The following ZNF423 variants were observed in gnomAD, a reference collection of about 807,000 sequenced individuals.
ZNF423 encodes zinc finger protein 423.
In ZNF423, 12 loss-of-function variants were observed where a neutral mutation model predicts 95.8. That is an observed-to-expected ratio of 0.13 (90% CI 0.08 to 0.20). The LOEUF (loss-of-function observed/expected upper bound fraction) is 0.20, where lower values mean the gene tolerates loss of function less well. ZNF423 is among the 10% of genes least tolerant of loss of function. ZNF423 has a pLI of 1.00. For missense variants in ZNF423, 1,316 were observed against 1,737.1 expected (o/e 0.76, Z 4.31); for synonymous variants, 749 against 711.9 (o/e 1.05, Z -0.83).
intron 3 of ZNF423, among the ~76,000 whole-genome samples, chr16:49,712,301 C>G (rs994740830): frequency 6.6e-6 from 1 of 152,104 alleles, no homozygotes; most frequent in African/African-American, 2.4e-5. Context: ...TGCTAATGCA[C>G]GGTGGGGCTC....
intron 3 of ZNF423, among the ~76,000 whole-genome samples, chr16:49,672,687 A>G (rs756042068): frequency 1.3e-5 from 2 of 152,126 alleles, no homozygotes; most frequent in Non-Finnish European, 2.9e-5. Context: ...ATGGTGGCAC[A>G]TGCCTGTAAT....
intron 5 of ZNF423, among the ~76,000 whole-genome samples, chr16:49,559,873 A>G (rs1353631477): frequency 6.6e-6 from 1 of 152,180 alleles, no homozygotes; most frequent in Non-Finnish European, 1.5e-5. Context: ...TGTCCTCCCA[A>G]GAGAGGTGCA....
intron 5 of ZNF423, among the ~76,000 whole-genome samples, chr16:49,609,215 A>ACCC: frequency 6.6e-6 from 1 of 152,266 alleles, no homozygotes; most frequent in African/African-American, 2.4e-5. Flanking sequence ...TGGCATCTGC[A>ACCC]CCCCTTCTGC....
At chr16:49,619,983 C>T (rs1224448659) in intron 5 of ZNF423, among the ~76,000 whole-genome samples, 1 of 152,110 alleles carries the variant, frequency 6.6e-6, no homozygotes, top group Non-Finnish European at 1.5e-5. Context: ...GGGCCTTCAG[C>T]ACGGGGCCAG....
At chr16:49,815,877 AAAAAATATATATATATATAT>A (rs2034833516) in intron 1 of ZNF423, among the ~76,000 whole-genome samples, 4 of 64,090 alleles carry the variant, frequency 6.2e-5, no homozygotes, top group African/African-American at 2.2e-4. Context: ...AAACAAAAAA[AAAAAATATATATATATATAT>A]ATATATATAT....
chr16:49,855,585 T>G lies in ZNF423; in HGVS notation c.40+150A>C. 1 of 178,512 alleles carries G rather than the reference T, an allele frequency of 5.6e-6. No individual in the cohort carries two copies. The highest frequency in any genetic ancestry group is 1.8e-4 in the East Asian group (1 of 5,644). The allele number at this position is 178,512 out of a possible 1,614,324, so 11.1% of individuals were successfully genotyped here. A position where few individuals can be genotyped will look rare whatever the true frequency, so the allele number is the denominator to read the frequency against. On this transcript the variant is annotated intron_variant, in intron 1 of 7. Coordinates refer to ENST00000563137, the MANE Select transcript of ZNF423 (RefSeq NM_001379286.1). This position sits in a 1 kb window ranked among gnomAD's most constrained non-coding sequence, Gnocchi z 4.7. ...CTCCTCCCCCTCCTCCGCCTCCGCCTCCGCCTCCGCCTCCTCTGCCGCCTC... is the reference window on the plus strand; with the variant it reads ...CTCCTCCCCCTCCTCCGCCTCCGCCGCCGCCTCCGCCTCCTCTGCCGCCTC...
At chr16:49,730,732 G>A in intron 3 of ZNF423, 39 bp downstream of exon 3, 1 of 1,609,742 alleles carries the variant, frequency 6.2e-7, no homozygotes, top group South Asian at 1.1e-5. Context: ...AATTACCCGT[G>A]TAACCACCTG....
At chr16:49,671,519 C>T (rs960224162) in intron 3 of ZNF423, among the ~76,000 whole-genome samples, 1 of 152,166 alleles carries the variant, frequency 6.6e-6, no homozygotes, top group Non-Finnish European at 1.5e-5. Flanking sequence ...ACGAGCCCTC[C>T]CACCACCACC....
chr16:49,798,207 C>T (rs2034528958), intron 1 of ZNF423, among the ~76,000 whole-genome samples: 1 of 152,074 alleles, frequency 6.6e-6, no homozygotes, highest in Admixed American at 6.6e-5. Flanking sequence ...AAGACCCTAT[C>T]TGTTAAAAGA....
At position 49,842,597 on chromosome 16, in the gene ZNF423, A is replaced by T. The variant is rs1234732435; in HGVS notation, c.40+13138T>A. ...CCTCATATCTTGGGGGGGAAAAAAT[A>T]AAAGGCAACATCACTAATAATTAGG... On this transcript the variant is annotated intron_variant, in intron 1 of 7. Transcript: ENST00000563137. 2.0e-5 allele frequency among the ~76,000 whole-genome samples: 3 copies of T among 152,142 alleles called. No individual in the cohort carries two copies. In the East Asian group the frequency reaches 5.8e-4, roughly 29 times the overall value.
rs75886530 is a variant in ZNF423 at position 49,755,943 on chromosome 16, C to T, written c.101-24972G>A. Among the ~76,000 whole-genome samples the T allele has an allele frequency of 7.5e-3, 1,136 of 152,204 alleles. 20 individuals are homozygous for T. The highest frequency in any genetic ancestry group is 0.026 in the African/African-American group (1,083 of 41,530). On this transcript the variant is annotated intron_variant, in intron 2 of 7. Transcript: ENST00000563137. ...GGTGGAGTCAGAGACGGCCCTGCCT[C>T]GGAGGAGATCATGAAATCTTCCTAC...
intron 1 of ZNF423, among the ~76,000 whole-genome samples, chr16:49,834,227 T>G (rs1023475954): frequency 3.9e-5 from 6 of 152,076 alleles, no homozygotes; most frequent in African/African-American, 1.2e-4. Context: ...CTCAAACAAG[T>G]GACTTCCTCT....
chr16:49,777,457 T>G (rs1238178968), intron 2 of ZNF423, among the ~76,000 whole-genome samples: 1 of 152,216 alleles, frequency 6.6e-6, no homozygotes, highest in Non-Finnish European at 1.5e-5. Flanking sequence ...TGCACATGCA[T>G]GCACACACAA....
At chr16:49,491,403 C>T in intron 7 of ZNF423, 99 bp from the exon 8 acceptor site, 1 of 1,463,488 alleles carries the variant, frequency 6.8e-7, no homozygotes, top group Non-Finnish European at 9.5e-7. Flanking sequence ...CGCAGAAAAG[C>T]GTCTCGATTA....
intron 1 of ZNF423, among the ~76,000 whole-genome samples, chr16:49,850,064 C>G (rs982883242): frequency 6.6e-6 from 1 of 152,226 alleles, no homozygotes; most frequent in African/African-American, 2.4e-5. Flanking sequence ...TCCTTAAAGA[C>G]AGCCACATGG....
intron 3 of ZNF423, among the ~76,000 whole-genome samples, chr16:49,700,140 G>C (rs2032119642): frequency 6.9e-6 from 1 of 145,788 alleles, no homozygotes; most frequent in Admixed American, 7.2e-5. Flanking sequence ...GGATTCCCAG[G>C]GTCAGATTCT....
chr16:49,794,378 T>C (rs2034466547), intron 1 of ZNF423, among the ~76,000 whole-genome samples: 1 of 151,968 alleles, frequency 6.6e-6, no homozygotes, highest in Non-Finnish European at 1.5e-5. Context: ...CCACTTTTTC[T>C]ATCTACTCCA....
chr16:49,530,127 T>C (rs1968786386), intron 5 of ZNF423, among the ~76,000 whole-genome samples: 1 of 152,190 alleles, frequency 6.6e-6, no homozygotes, highest in African/African-American at 2.4e-5. Context: ...ACTTTGCCTC[T>C]CTGAGCTTCT....
intron 5 of ZNF423, among the ~76,000 whole-genome samples, chr16:49,577,454 G>A (rs149892488): frequency 1.3e-4 from 20 of 152,010 alleles, no homozygotes; most frequent in African/African-American, 2.2e-4. Context: ...CCAGACAGAC[G>A]CCAGGGCCCC....
Sources: gnomAD v4.1 joint callset for allele counts (sites outside exome capture counted in the v4.1 genomes callset) on GRCh38, gnomAD v4.1.1 for gene constraint, Gnocchi (gnomAD v3.1) non-coding constraint, MANE v1.5 for transcripts, NCBI Gene and HGNC (gene_info 2026-07-23, HGNC 2026-07-21) for gene names.